Variants in FBXW11 observed in about 807,000 individuals in gnomAD.
FBXW11 encodes F-box and WD repeat domain containing 11.
In FBXW11, 19 loss-of-function variants were observed where a neutral mutation model predicts 77.6. The ratio of observed to expected loss-of-function variants is 0.24; its 90% CI spans 0.17 to 0.36. The LOEUF (loss-of-function observed/expected upper bound fraction) is 0.36, where lower values mean the gene tolerates loss of function less well. Among genes scored for constraint, FBXW11 ranks in the 10% least tolerant of loss-of-function variants. The pLI is 1.00. For synonymous variants in FBXW11, 235 were observed against 249.4 expected, an observed-to-expected ratio of 0.94 and a Z score of 0.54; for missense variants, 334 against 704.2, an observed-to-expected ratio of 0.47 and a Z score of 5.95.
At chr5:171,927,184 A>G (rs1761935601) in intron 2 of FBXW11, among the ~76,000 whole-genome samples, 1 of 152,240 alleles carries the variant, frequency 6.6e-6, no homozygotes, top group South Asian at 2.1e-4. Flanking sequence ...AAATCAGACT[A>G]TATTAAAATA....
chr5:171,996,137 A>C (rs1371067670), intron 1 of FBXW11, among the ~76,000 whole-genome samples: 4 of 152,226 alleles, frequency 2.6e-5, no homozygotes, highest in Non-Finnish European at 5.9e-5. Flanking sequence ...CAGTTGCTAC[A>C]GTTAGTAAAC....
At chr5:171,892,534 G>A (rs139545066) in intron 6 of FBXW11, among the ~76,000 whole-genome samples, 5 of 152,118 alleles carry the variant, frequency 3.3e-5, no homozygotes, top group East Asian at 1.9e-4. Flanking sequence ...CACACAGAAC[G>A]TAAGAAGATC....
At chr5:171,898,961 C>A in intron 6 of FBXW11, 43 bp downstream of exon 6, 1 of 1,293,256 alleles carries the variant, frequency 7.7e-7, no homozygotes, top group Non-Finnish European at 1.1e-6. Flanking sequence ...AAGTTGAGAA[C>A]AAGAAACAAA....
chr5:171,924,637 G>C (rs1249449478), intron 2 of FBXW11, among the ~76,000 whole-genome samples: 1 of 152,142 alleles, frequency 6.6e-6, no homozygotes, highest in Non-Finnish European at 1.5e-5. Flanking sequence ...TCCACCCTCT[G>C]CCGGTGCCAG....
At chr5:171,895,842 C>T (rs949367384) in intron 6 of FBXW11, among the ~76,000 whole-genome samples, 3 of 152,220 alleles carry the variant, frequency 2.0e-5, no homozygotes, top group African/African-American at 4.8e-5. Context: ...ACAACTAAGA[C>T]TCTAGACAGC....
At chr5:171,970,119 A>C (rs1764440956) in intron 1 of FBXW11, among the ~76,000 whole-genome samples, 1 of 152,166 alleles carries the variant, frequency 6.6e-6, no homozygotes, top group Non-Finnish European at 1.5e-5. Context: ...CTGCAGAATA[A>C]AAGTTGGCCC....
chr5:171,918,336 A>AT (rs776189782), intron 2 of FBXW11, among the ~76,000 whole-genome samples: 112 of 152,224 alleles, frequency 7.4e-4, no homozygotes, highest in Non-Finnish European at 1.3e-3. Context: ...GGAAGCTATA[A>AT]TTTTTTTAAT....
intron 1 of FBXW11, among the ~76,000 whole-genome samples, chr5:171,958,654 T>C (rs547434124): frequency 1.3e-5 from 2 of 152,338 alleles, no homozygotes; most frequent in East Asian, 3.9e-4. Context: ...AAATATAAAA[T>C]GAACATATGT....
intron 1 of FBXW11, among the ~76,000 whole-genome samples, chr5:171,974,775 G>A (rs4868133): frequency 0.28 from 41,927 of 151,812 alleles, 6,891 homozygotes; most frequent in East Asian, 0.51. Context: ...ACATGCAAAG[G>A]TTGGTTAAGA....
chr5:171,940,520 A>T (rs538789481), intron 2 of FBXW11, among the ~76,000 whole-genome samples: 2 of 152,288 alleles, frequency 1.3e-5, no homozygotes, highest in African/African-American at 4.8e-5. Context: ...TGAGAGTGGG[A>T]AAATACAAGA....
At chr5:171,871,051 C>T (rs1757724843) in intron 10 of FBXW11, among the ~76,000 whole-genome samples, 193 bp from the exon 11 acceptor site, 1 of 152,198 alleles carries the variant, frequency 6.6e-6, no homozygotes, top group Admixed American at 6.5e-5. Flanking sequence ...TGTTTCCAAG[C>T]ACTAACCTAG....
At chr5:171,916,254 G>A (rs886441875) in intron 2 of FBXW11, among the ~76,000 whole-genome samples, 65 of 139,690 alleles carry the variant, frequency 4.7e-4, no homozygotes, top group Non-Finnish European at 4.1e-4. Flanking sequence ...AAAAAAATGA[G>A]AAAAAAAAAA....
intron 2 of FBXW11, among the ~76,000 whole-genome samples, chr5:171,951,488 G>A (rs1763309221): frequency 6.6e-6 from 1 of 151,924 alleles, no homozygotes; most frequent in Non-Finnish European, 1.5e-5. Context: ...AGTGAGCCAT[G>A]ATCCTACCAC....
At chr5:171,884,393 G>T (rs1430495497) in intron 7 of FBXW11, among the ~76,000 whole-genome samples, 1 of 152,118 alleles carries the variant, frequency 6.6e-6, no homozygotes, top group Admixed American at 6.6e-5. Context: ...TGTTCCATTG[G>T]TCTATATCCC....
intron 2 of FBXW11, among the ~76,000 whole-genome samples, chr5:171,956,069 AT>A: frequency 6.6e-6 from 1 of 152,042 alleles, no homozygotes; most frequent in East Asian, 1.9e-4. Flanking sequence ...AACAACTACA[AT>A]TTTTCCCCCT....
At chr5:171,968,551 A>G (rs1764354310) in intron 1 of FBXW11, among the ~76,000 whole-genome samples, 1 of 152,126 alleles carries the variant, frequency 6.6e-6, no homozygotes, top group Non-Finnish European at 1.5e-5. Flanking sequence ...TAGCTAACAG[A>G]TGATCTCCAG....
intron 2 of FBXW11, among the ~76,000 whole-genome samples, chr5:171,943,687 G>A (rs530586791): frequency 6.6e-6 from 1 of 152,300 alleles, no homozygotes; most frequent in African/African-American, 2.4e-5. Context: ...CTGACCTCAT[G>A]ATCCGCCCGC....
chr5:171,987,418 G>A lies in FBXW11; in HGVS notation c.45+19040C>T, dbSNP rs529705664. On this transcript the variant is annotated intron_variant, in intron 1 of 13. Transcript: ENST00000517395. ...CCATGTTTACGTCTAACTTCTGCTC[G>A]AGCCTCAAAGGGTAAGTTTTTTTGG... 3.3e-5 allele frequency among the ~76,000 whole-genome samples: 5 copies of A among 151,940 alleles called. No homozygotes were observed. The South Asian group carries it at 6.2e-4, about 19-fold the overall frequency.
chr5:171,941,808 C>A (rs1250161196), intron 2 of FBXW11, among the ~76,000 whole-genome samples: 2 of 150,382 alleles, frequency 1.3e-5, no homozygotes, highest in Non-Finnish European at 3.0e-5. Flanking sequence ...AATAAAGGTG[C>A]TAAAAATCCT....
Sources: gnomAD v4.1 joint callset for allele counts (sites outside exome capture counted in the v4.1 genomes callset) on GRCh38, gnomAD v4.1.1 for gene constraint, MANE v1.5 for transcripts, NCBI Gene and HGNC (gene_info 2026-07-23, HGNC 2026-07-21) for gene names.